SPAG16: variants seen among roughly 807,000 people sequenced by gnomAD.
SPAG16 encodes sperm-associated antigen 16 protein.
SPAG16 carries 86 observed loss-of-function variants against 80.4 expected under a neutral mutation model. That is an observed-to-expected ratio of 1.07 (90% CI 0.90 to 1.28). The LOEUF (loss-of-function observed/expected upper bound fraction) is 1.28, where lower values mean the gene tolerates loss of function less well. SPAG16 is among the 50% of genes most tolerant of loss of function. The pLI, the probability that SPAG16 is intolerant of heterozygous loss-of-function variation, is 0.00. For missense variants in SPAG16, 870 were observed against 765.3 expected, an observed-to-expected ratio of 1.14 and a Z score of -1.61; for synonymous variants, 294 against 265.9, an observed-to-expected ratio of 1.11 and a Z score of -1.03.
intron 12 of SPAG16, among the ~76,000 whole-genome samples, chr2:213,935,497 A>G (rs893333247): frequency 6.6e-6 from 1 of 152,054 alleles, no homozygotes; most frequent in Non-Finnish European, 1.5e-5. Context: ...GTCTATCGCA[A>G]TGCTGTTGGA....
intron 12 of SPAG16, among the ~76,000 whole-genome samples, chr2:214,012,862 G>T (rs2047382666): frequency 6.6e-6 from 1 of 152,140 alleles, no homozygotes. Flanking sequence ...GTTTAGATCA[G>T]TGGTTCTCAA....
intron 9 of SPAG16, among the ~76,000 whole-genome samples, chr2:213,448,209 G>A (rs1175009963): frequency 1.3e-5 from 2 of 152,242 alleles, no homozygotes; most frequent in East Asian, 3.8e-4. Flanking sequence ...CAAATGCAGT[G>A]CAATTGGAAT....
At chr2:213,991,072 G>T (rs561613086) in intron 12 of SPAG16, among the ~76,000 whole-genome samples, 3 of 151,900 alleles carry the variant, frequency 2.0e-5, no homozygotes, top group Non-Finnish European at 4.4e-5. Flanking sequence ...TGCTACGTAG[G>T]TATACACGTG....
At chr2:214,096,366 C>T (rs986432108) in intron 13 of SPAG16, among the ~76,000 whole-genome samples, 2 of 151,696 alleles carry the variant, frequency 1.3e-5, no homozygotes, top group African/African-American at 2.4e-5. Context: ...TAACTCTGTT[C>T]GGCTCAATCA....
intron 14 of SPAG16, among the ~76,000 whole-genome samples, chr2:214,117,015 G>A (rs1048261353): frequency 6.6e-6 from 1 of 152,062 alleles, no homozygotes; most frequent in Non-Finnish European, 1.5e-5. Flanking sequence ...AGAAAATAAG[G>A]CACCAGACAC....
At chr2:214,252,495 T>A (rs1169997705) in intron 15 of SPAG16, among the ~76,000 whole-genome samples, 1 of 151,398 alleles carries the variant, frequency 6.6e-6, no homozygotes, top group Non-Finnish European at 1.5e-5. Context: ...CCTCCCTGTG[T>A]CCATGTGTTC....
At chr2:213,369,609 A>G (rs1368945349) in intron 8 of SPAG16, among the ~76,000 whole-genome samples, 1 of 151,978 alleles carries the variant, frequency 6.6e-6, no homozygotes, top group African/African-American at 2.4e-5. Flanking sequence ...TGGCTCAGAT[A>G]GCTAGAAGGC....
chr2:214,381,607 T>G (rs911952138), intron 15 of SPAG16, among the ~76,000 whole-genome samples: 1 of 152,232 alleles, frequency 6.6e-6, no homozygotes, highest in Non-Finnish European at 1.5e-5. Context: ...TCACAAATTC[T>G]GATGCTGAGT....
At chr2:214,169,819 T>C (rs1253528040) in intron 15 of SPAG16, among the ~76,000 whole-genome samples, 1 of 152,018 alleles carries the variant, frequency 6.6e-6, no homozygotes, top group Non-Finnish European at 1.5e-5. Flanking sequence ...ATTAAGCCAG[T>C]GAACTTGGTG....
chr2:213,407,827 G>A (rs1299667029), intron 9 of SPAG16, among the ~76,000 whole-genome samples: 2 of 100,872 alleles, frequency 2.0e-5, no homozygotes, highest in African/African-American at 7.2e-5. Flanking sequence ...GAGGAGAGAG[G>A]CAGAGAGAGA....
chr2:214,165,636 C>T (rs181560505), intron 15 of SPAG16, among the ~76,000 whole-genome samples: 2 of 150,846 alleles, frequency 1.3e-5, no homozygotes, highest in Non-Finnish European at 3.0e-5. Context: ...CTGCCCCCCA[C>T]CCCCTTGAAA....
At chr2:214,404,433 T>C (rs1241258123) in intron 15 of SPAG16, among the ~76,000 whole-genome samples, 3 of 152,188 alleles carry the variant, frequency 2.0e-5, no homozygotes. Flanking sequence ...TTGTTGTTGT[T>C]GCTGCTGCTA....
rs1483813441 is a variant in SPAG16, at chr2:213,602,676, C to T, written c.1070+112586C>T. ...AACAACAACAAAAAGAAACTTGTTT[C>T]CCACCCAAAAGCTGGCAGAAAATAA... is the stretch of plus-strand genomic sequence containing the variant. On this transcript the variant is annotated intron_variant, in intron 10 of 15. Transcript: ENST00000331683. 2.6e-5 allele frequency among the ~76,000 whole-genome samples: 4 copies of T among 152,274 alleles called. No individual in the cohort carries two copies. In the East Asian group the frequency reaches 7.7e-4, roughly 29 times the overall value.
intron 15 of SPAG16, among the ~76,000 whole-genome samples, chr2:214,198,655 A>G (rs1301766411): frequency 6.6e-6 from 1 of 151,986 alleles, no homozygotes; most frequent in Non-Finnish European, 1.5e-5. Flanking sequence ...TTATACTTTT[A>G]GTTCTTTAAG....
intron 15 of SPAG16, among the ~76,000 whole-genome samples, chr2:214,290,021 A>G (rs1559185986): frequency 6.6e-6 from 1 of 152,132 alleles, no homozygotes; most frequent in Non-Finnish European, 1.5e-5. Context: ...GTTTGGTAGA[A>G]TTTGGCTGTG....
intron 15 of SPAG16, among the ~76,000 whole-genome samples, chr2:214,403,406 C>G (rs1387537576): frequency 6.7e-6 from 1 of 149,516 alleles, no homozygotes; most frequent in East Asian, 1.9e-4. Context: ...ATGTTAAAAT[C>G]TATAAAATGT....
intron 10 of SPAG16, among the ~76,000 whole-genome samples, chr2:213,674,639 G>T (rs1424716117): frequency 1.3e-5 from 2 of 149,352 alleles, no homozygotes; most frequent in Admixed American, 6.6e-5. Context: ...GCAGTGTTTG[G>T]TTTTTTGTCC....
chr2:213,613,053 C>T (rs2061489071), intron 10 of SPAG16, among the ~76,000 whole-genome samples: 1 of 152,110 alleles, frequency 6.6e-6, no homozygotes, highest in Non-Finnish European at 1.5e-5. Flanking sequence ...TTAGGGAAAC[C>T]TATTGGGTTT....
intron 10 of SPAG16, among the ~76,000 whole-genome samples, chr2:213,594,741 G>A (rs1293225693): frequency 6.6e-6 from 1 of 152,146 alleles, no homozygotes; most frequent in African/African-American, 2.4e-5. Context: ...CGTGATAAGG[G>A]ATAGACACAC....
Sources: allele counts gnomAD v4.1 joint callset (sites outside exome capture counted in the v4.1 genomes callset), GRCh38; gene constraint gnomAD v4.1.1; transcripts MANE v1.5; gene names NCBI Gene and HGNC (gene_info 2026-07-23, HGNC 2026-07-21).